KCNH7: variants seen among roughly 807,000 people sequenced by gnomAD.
The protein encoded by KCNH7 is voltage-gated inwardly rectifying potassium channel KCNH7.
Under a neutral mutation model 120.8 loss-of-function variants are expected in KCNH7, and 49 were observed. The observed-to-expected ratio is 0.41, with a 90% CI of 0.32 to 0.51. KCNH7 has a LOEUF of 0.51. Among genes scored for constraint, KCNH7 ranks in the 20% least tolerant of loss-of-function variants. The pLI, the probability that KCNH7 is intolerant of heterozygous loss-of-function variation, is 0.38. For missense variants in KCNH7, 1,097 were observed against 1,446.6 expected (o/e 0.76, Z 3.92); for synonymous variants, 547 against 516.1 (o/e 1.06, Z -0.81).
chr2:162,501,546 G>T (rs1163057969), intron 6 of KCNH7, among the ~76,000 whole-genome samples: 1 of 152,014 alleles, frequency 6.6e-6, no homozygotes, highest in African/African-American at 2.4e-5. Context: ...CTCATCAACT[G>T]GGTAGCTTAC....
intron 3 of KCNH7, among the ~76,000 whole-genome samples, chr2:162,532,435 A>G (rs1691956258): frequency 6.6e-6 from 1 of 151,918 alleles, no homozygotes; most frequent in Non-Finnish European, 1.5e-5. Context: ...AGAGTCACTT[A>G]CAATGGATAG....
chr2:162,739,366 C>T (rs917009765), intron 2 of KCNH7, among the ~76,000 whole-genome samples: 2 of 152,134 alleles, frequency 1.3e-5, no homozygotes, highest in Admixed American at 6.6e-5. Context: ...TGATTGTTGT[C>T]GCCATGGATT....
chr2:162,409,056 T>C (rs1025901787), intron 9 of KCNH7, among the ~76,000 whole-genome samples: 7 of 151,394 alleles, frequency 4.6e-5, no homozygotes. Flanking sequence ...AGTAAAGTTA[T>C]CAAAAAAATA....
intron 2 of KCNH7, among the ~76,000 whole-genome samples, chr2:162,815,242 T>C (rs1021324411): frequency 6.6e-6 from 1 of 152,198 alleles, no homozygotes; most frequent in African/African-American, 2.4e-5. Flanking sequence ...AGGAAAAGAA[T>C]TATTAAAACT....
At chr2:162,773,636 C>G (rs1683138907) in intron 2 of KCNH7, among the ~76,000 whole-genome samples, 1 of 151,808 alleles carries the variant, frequency 6.6e-6, no homozygotes, top group African/African-American at 2.4e-5. Context: ...AAACAAAAAC[C>G]TACAAAAGCA....
intron 2 of KCNH7, among the ~76,000 whole-genome samples, chr2:162,728,851 G>A (rs952982815): frequency 2.6e-5 from 4 of 151,898 alleles, no homozygotes; most frequent in Non-Finnish European, 5.9e-5. Context: ...TGGTAATTTT[G>A]GTCTTATTTT....
At chr2:162,399,652 C>T (rs1322560428) in intron 10 of KCNH7, among the ~76,000 whole-genome samples, 2 of 151,872 alleles carry the variant, frequency 1.3e-5, no homozygotes, top group Non-Finnish European at 2.9e-5. Context: ...CTCTTCATCA[C>T]TTCTATCACT....
At chr2:162,675,357 T>C (rs1685498713) in intron 2 of KCNH7, among the ~76,000 whole-genome samples, 1 of 151,490 alleles carries the variant, frequency 6.6e-6, no homozygotes, top group Non-Finnish European at 1.5e-5. Flanking sequence ...AGGAAGCCCA[T>C]GGACTCCTGA....
chr2:162,523,648 T>C (rs1351424627), intron 3 of KCNH7, among the ~76,000 whole-genome samples: 2 of 151,816 alleles, frequency 1.3e-5, no homozygotes, highest in Non-Finnish European at 2.9e-5. Flanking sequence ...TTCAACCAAT[T>C]CTTCTAACTT....
intron 2 of KCNH7, among the ~76,000 whole-genome samples, chr2:162,691,844 T>C (rs1241840681): frequency 6.6e-6 from 1 of 152,188 alleles, no homozygotes; most frequent in African/African-American, 2.4e-5. Flanking sequence ...AATTTTTAAA[T>C]GATGATATCA....
intron 2 of KCNH7, among the ~76,000 whole-genome samples, chr2:162,643,381 C>G (rs1339830459): frequency 2.0e-5 from 3 of 151,742 alleles, no homozygotes; most frequent in Non-Finnish European, 4.4e-5. Context: ...CAAAACCTCT[C>G]AGAATATTTT....
At chr2:162,577,177 C>A (rs1283321344) in intron 2 of KCNH7, among the ~76,000 whole-genome samples, 1 of 151,954 alleles carries the variant, frequency 6.6e-6, no homozygotes, top group Non-Finnish European at 1.5e-5. Context: ...GCATTGGCCT[C>A]TGAAAGTGCT....
intron 2 of KCNH7, among the ~76,000 whole-genome samples, chr2:162,619,638 A>C (rs1683276856): frequency 6.6e-6 from 1 of 152,000 alleles, no homozygotes; most frequent in Non-Finnish European, 1.5e-5. Context: ...TTTTATAAAT[A>C]AGCCAATATA....
chr2:162,561,321 C>T (rs530287335), intron 2 of KCNH7, among the ~76,000 whole-genome samples: 17 of 152,110 alleles, frequency 1.1e-4, no homozygotes, highest in Middle Eastern at 6.8e-3. Context: ...TGAAAAGAAT[C>T]GACATTTCAT....
At chr2:162,459,030 A>ATAATAATAATAATAG (rs1689065996) in intron 6 of KCNH7, among the ~76,000 whole-genome samples, 1 of 147,216 alleles carries the variant, frequency 6.8e-6, no homozygotes, top group African/African-American at 2.5e-5. Flanking sequence ...AATAATAATA[A>ATAATAATAATAATAG]TAATAATAAT....
intron 3 of KCNH7, among the ~76,000 whole-genome samples, chr2:162,535,393 T>C (rs1692071206): frequency 6.6e-6 from 1 of 151,732 alleles, no homozygotes; most frequent in Non-Finnish European, 1.5e-5. Context: ...GATGTAAAAT[T>C]AATGTATTCA....
intron 2 of KCNH7, among the ~76,000 whole-genome samples, chr2:162,538,902 A>G (rs1455671891): frequency 1.3e-5 from 2 of 152,126 alleles, no homozygotes; most frequent in Non-Finnish European, 2.9e-5. Context: ...TGTGCTAGTT[A>G]TAATACAAAT....
At chr2:162,560,904 T>C (rs1433766531) in intron 2 of KCNH7, among the ~76,000 whole-genome samples, 1 of 152,216 alleles carries the variant, frequency 6.6e-6, no homozygotes, top group African/African-American at 2.4e-5. Flanking sequence ...TCTTCCATAA[T>C]TCACTCTTCT....
At chr2:162,612,116 A>G (rs1682990275) in intron 2 of KCNH7, among the ~76,000 whole-genome samples, 1 of 152,212 alleles carries the variant, frequency 6.6e-6, no homozygotes, top group African/African-American at 2.4e-5. Context: ...AGCAAACATT[A>G]ATTTTAGACT....
Sources: gnomAD v4.1 joint callset for allele counts (sites outside exome capture counted in the v4.1 genomes callset) on GRCh38, gnomAD v4.1.1 for gene constraint, MANE v1.5 for transcripts, NCBI Gene and HGNC (gene_info 2026-07-23, HGNC 2026-07-21) for gene names.